The following ARHGEF7 variants were observed in gnomAD, a reference collection of about 807,000 sequenced individuals.
ARHGEF7 encodes Rho guanine nucleotide exchange factor 7, also known as PAK-interacting exchange factor beta.
Under a neutral mutation model 109.8 loss-of-function variants are expected in ARHGEF7, and 33 were observed. The ratio of observed to expected loss-of-function variants is 0.30; its 90% CI spans 0.23 to 0.40. ARHGEF7 has a LOEUF of 0.40. Ranked by LOEUF, ARHGEF7 falls within the 10% of genes least tolerant of loss-of-function variation. The pLI, the probability that ARHGEF7 is intolerant of heterozygous loss-of-function variation, is 1.00. For missense variants in ARHGEF7, 938 were observed against 1,098.5 expected (o/e 0.85, Z 2.07); for synonymous variants, 458 against 424.6 (o/e 1.08, Z -0.97).
chr13:111,214,644 T>G (rs1410323922), intron 4 of ARHGEF7, among the ~76,000 whole-genome samples: 1 of 152,216 alleles, frequency 6.6e-6, no homozygotes, highest in African/African-American at 2.4e-5. Flanking sequence ...GGATGGGATC[T>G]TCAGTTGCAA....
At chr13:111,213,676 T>C (rs753638775) in intron 4 of ARHGEF7, among the ~76,000 whole-genome samples, 2 of 152,174 alleles carry the variant, frequency 1.3e-5, no homozygotes, top group Non-Finnish European at 2.9e-5. Context: ...TAGAGTGTCA[T>C]GTTGAGTCCA....
chr13:111,285,023 TTTTG>T (rs1179172221), intron 16 of ARHGEF7, among the ~76,000 whole-genome samples: 1 of 152,256 alleles, frequency 6.6e-6, no homozygotes, highest in African/African-American at 2.4e-5. Context: ...ATAGAAATAC[TTTTG>T]TTTAACTTTT....
intron 5 of ARHGEF7, among the ~76,000 whole-genome samples, chr13:111,224,144 C>T (rs1056127641): frequency 1.7e-4 from 26 of 152,350 alleles, no homozygotes; most frequent in African/African-American, 4.1e-4. Context: ...CATGAGCCAC[C>T]GCAGCCAGCG....
intron 1 of ARHGEF7, among the ~76,000 whole-genome samples, chr13:111,152,910 T>G (rs1321575745): frequency 1.3e-5 from 2 of 152,252 alleles, no homozygotes; most frequent in Non-Finnish European, 2.9e-5. Flanking sequence ...ACCTTACATG[T>G]GTTGCTGGTG....
intron 2 of ARHGEF7, among the ~76,000 whole-genome samples, chr13:111,175,570 G>T (rs890015936): frequency 6.6e-6 from 1 of 152,192 alleles, no homozygotes; most frequent in Non-Finnish European, 1.5e-5. Flanking sequence ...GCTTTTGGGG[G>T]AAGGACTGGA....
At chr13:111,225,648 A>G (rs1466266485) in intron 5 of ARHGEF7, among the ~76,000 whole-genome samples, 3 of 151,582 alleles carry the variant, frequency 2.0e-5, no homozygotes, top group Admixed American at 2.0e-4. Flanking sequence ...TCATTATTGT[A>G]TCCGTTATGG....
chr13:111,276,694 G>GA (rs1386367886), intron 12 of ARHGEF7, among the ~76,000 whole-genome samples: 1 of 152,206 alleles, frequency 6.6e-6, no homozygotes, highest in African/African-American at 2.4e-5. Flanking sequence ...TGTATGTTGT[G>GA]ATTCTTCAAG....
At chr13:111,208,755 A>G (rs2082170355) in intron 3 of ARHGEF7, among the ~76,000 whole-genome samples, 2 of 152,010 alleles carry the variant, frequency 1.3e-5, no homozygotes, top group Non-Finnish European at 2.9e-5. Context: ...AGGTCCTGGG[A>G]AGTGTAGGGT....
chr13:111,131,643 G>A lies in ARHGEF7; in HGVS notation c.165+15952G>A, dbSNP rs1367188115. On this transcript the variant is annotated intron_variant, in intron 1 of 21. Coordinates refer to ENST00000646102, the MANE Select transcript of ARHGEF7 (RefSeq NM_001354046.2). The surrounding 1 kb of genome is among the most constrained non-coding windows in gnomAD (Gnocchi z 4.4). ...GATGAGCCTGAAGAGAGAAACTAAG[G>A]CAGGGTGGTCAGAGGCCATTAGGAG... is the stretch of plus-strand genomic sequence containing the variant. 1.3e-5 allele frequency among the ~76,000 whole-genome samples: 2 copies of A among 152,206 alleles called. No individual in the cohort carries two copies. Among genetic ancestry groups the A allele is most frequent in the Non-Finnish European group, 2.9e-5 (2 of 68,034 alleles).
intron 19 of ARHGEF7, chr13:111,295,032 G>A: frequency 1.0e-6 from 1 of 985,732 alleles, no homozygotes; most frequent in South Asian, 4.7e-5. Context: ...TTTTTAGTAG[G>A]TGACTACCAT....
In ARHGEF7 at chr13:111,255,480, G is replaced by C. The variant is rs1049099040; in HGVS notation, c.950+11186G>C. On this transcript the variant is annotated intron_variant, in intron 8 of 21. Coordinates refer to ENST00000646102, the MANE Select transcript of ARHGEF7 (RefSeq NM_001354046.2). The surrounding 1 kb of genome is among the most constrained non-coding windows in gnomAD (Gnocchi z 4.1). ...CCACCCAGAGTCTTGCGGAGGTAAAGTGGCCTGGTACTTACGGAACCATCT... is the reference window on the plus strand; with the variant it reads ...CCACCCAGAGTCTTGCGGAGGTAAACTGGCCTGGTACTTACGGAACCATCT... 6.6e-6 allele frequency among the ~76,000 whole-genome samples: 1 copy of C among 152,204 alleles called. No homozygotes were observed. Among genetic ancestry groups the C allele is most frequent in the Non-Finnish European group, 1.5e-5 (1 of 68,030 alleles).
intron 1 of ARHGEF7, among the ~76,000 whole-genome samples, chr13:111,128,428 G>T (rs2067723320): frequency 6.6e-6 from 1 of 152,172 alleles, no homozygotes; most frequent in African/African-American, 2.4e-5. Context: ...GGGAGTTGGA[G>T]GTTGCAGTGA....
chr13:111,122,179 C>T (rs921336504), intron 1 of ARHGEF7, among the ~76,000 whole-genome samples: 2 of 152,186 alleles, frequency 1.3e-5, no homozygotes, highest in Admixed American at 1.3e-4. Context: ...CTCTGGTCAG[C>T]GCCAGATCTG....
chr13:111,228,186 G>A lies in ARHGEF7; in HGVS notation c.671-5019G>A, dbSNP rs2085485473. 6.6e-6 allele frequency among the ~76,000 whole-genome samples: 1 copy of A among 152,230 alleles called. No individual in the cohort carries two copies. The highest frequency in any genetic ancestry group is 2.4e-5 in the African/African-American group (1 of 41,456). ...CTTTTATAGAATGAAAGAGACTTTAGTGGCACAGCAGCCAGATGTGCTGCG... is the reference window on the plus strand; with the variant it reads ...CTTTTATAGAATGAAAGAGACTTTAATGGCACAGCAGCCAGATGTGCTGCG... On this transcript the variant is annotated intron_variant, in intron 5 of 21. Transcript: ENST00000646102. The surrounding 1 kb of genome is among the most constrained non-coding windows in gnomAD (Gnocchi z 4.6).
At chr13:111,173,197 G>A (rs561693298) in intron 2 of ARHGEF7, among the ~76,000 whole-genome samples, 80 of 152,282 alleles carry the variant, frequency 5.3e-4, no homozygotes, top group Non-Finnish European at 9.4e-4. Context: ...CTCCCCCAGA[G>A]CATGTTGCGT....
intron 19 of ARHGEF7, chr13:111,293,104 G>GT (rs1848756882): frequency 1.0e-6 from 1 of 985,308 alleles, no homozygotes; most frequent in South Asian, 4.7e-5. Flanking sequence ...TAGCAAGCCT[G>GT]TACCACTCTA....
In ARHGEF7 at chr13:111,283,274, G is replaced by A; in HGVS notation, c.1861G>A (p.Glu621Lys). Residue 621 changes from glutamate (E) to lysine (K), a missense_variant, in exon 16 of 22, where the codon GAG becomes AAG. Around this residue, in one of 4 missense-constraint regions of ARHGEF7, gnomAD observed 585 missense variants for 723.6 expected, o/e 0.81. Transcript: ENST00000646102. Reference protein sequence around the residue: ...PHTTINWGPLEPPKTPKPWSL... With the variant: ...PHTTINWGPLKPPKTPKPWSL... ...CACCACCATCAACTGGGGACCCCTG[G>A]AGCCTCCGAAAACACCCAAGCCCTG... 1 of 1,580,484 alleles carries A rather than the reference G, an allele frequency of 6.3e-7. No individual in the cohort carries two copies. Among genetic ancestry groups the A allele is most frequent in the African/African-American group, 1.3e-5 (1 of 74,516 alleles).
In ARHGEF7 at chr13:111,228,506, A is replaced by G. The variant is rs1162411042; in HGVS notation, c.671-4699A>G. On this transcript the variant is annotated intron_variant, in intron 5 of 21. Coordinates refer to ENST00000646102, the MANE Select transcript of ARHGEF7 (RefSeq NM_001354046.2). This position sits in a 1 kb window ranked among gnomAD's most constrained non-coding sequence, Gnocchi z 4.6. Reference sequence around the variant, plus strand: ...GCAGGCTCGATGCTGAGGACTGCTAACACTGTTAAGAGTCTATACGTGGTC... The same window carrying G: ...GCAGGCTCGATGCTGAGGACTGCTAGCACTGTTAAGAGTCTATACGTGGTC... Among the ~76,000 whole-genome samples, 1 of 152,228 alleles carries G rather than the reference A, an allele frequency of 6.6e-6. No individual in the cohort carries two copies. Among genetic ancestry groups the G allele is most frequent in the Non-Finnish European group, 1.5e-5 (1 of 68,044 alleles).
chr13:111,189,821 G>A (rs553731667), intron 2 of ARHGEF7, among the ~76,000 whole-genome samples: 1 of 152,310 alleles, frequency 6.6e-6, no homozygotes, highest in East Asian at 1.9e-4. Flanking sequence ...GCTGATTGGT[G>A]TGTTTACAGA....
Sources: allele counts gnomAD v4.1 joint callset (sites outside exome capture counted in the v4.1 genomes callset), GRCh38; gene constraint gnomAD v4.1.1; regional missense constraint gnomAD v4.1.1; non-coding constraint Gnocchi (gnomAD v3.1); transcripts MANE v1.5; gene names NCBI Gene and HGNC (gene_info 2026-07-23, HGNC 2026-07-21).